Variants in DLG2 observed in about 807,000 individuals in gnomAD.
The protein encoded by DLG2 is discs large MAGUK scaffold protein 2, also known as disks large homolog 2.
A neutral mutation model predicts 132.5 loss-of-function variants in DLG2; 45 were observed. The observed-to-expected ratio is 0.34, with a 90% confidence interval of 0.27 to 0.44. DLG2 has a LOEUF of 0.44. Ranked by LOEUF, DLG2 falls within the 20% of genes least tolerant of loss-of-function variation. The pLI is 1.00. For synonymous variants in DLG2, 424 were observed against 419.6 expected (o/e 1.01, Z -0.13); for missense variants, 1,045 against 1,196.9 (o/e 0.87, Z 1.87).
At chr11:84,529,801 T>C (rs748999751) in intron 7 of DLG2, among the ~76,000 whole-genome samples, 1 of 152,102 alleles carries the variant, frequency 6.6e-6, no homozygotes, top group Non-Finnish European at 1.5e-5. Flanking sequence ...CAATTAAAAT[T>C]CACATAGAAC....
At chr11:85,560,356 T>C (rs2077168937) in intron 3 of DLG2, among the ~76,000 whole-genome samples, 2 of 151,864 alleles carry the variant, frequency 1.3e-5, no homozygotes, top group Admixed American at 1.3e-4. Context: ...GGAAAGGAAC[T>C]TTTTTAAATG....
At chr11:84,135,069 TAC>T (rs2094554309) in intron 9 of DLG2, among the ~76,000 whole-genome samples, 1 of 152,170 alleles carries the variant, frequency 6.6e-6, no homozygotes, top group Admixed American at 6.6e-5. Context: ...TAGGTTAGTT[TAC>T]TTAATGTTTA....
chr11:83,918,012 C>A (rs1490408930), intron 15 of DLG2, among the ~76,000 whole-genome samples: 1 of 152,050 alleles, frequency 6.6e-6, no homozygotes, highest in Non-Finnish European at 1.5e-5. Flanking sequence ...GATTTTGAAC[C>A]TACCAAGCAG....
At chr11:85,306,047 C>T (rs1309916854) in intron 3 of DLG2, among the ~76,000 whole-genome samples, 1 of 152,140 alleles carries the variant, frequency 6.6e-6, no homozygotes, top group Non-Finnish European at 1.5e-5. Flanking sequence ...GGACAAGTTA[C>T]TTAATTTCTA....
At chr11:83,460,810 C>CA (rs2089774650) in intron 27 of DLG2, among the ~76,000 whole-genome samples, 1 of 152,054 alleles carries the variant, frequency 6.6e-6, no homozygotes, top group Non-Finnish European at 1.5e-5. Context: ...ACTTTTGTTT[C>CA]TCCTACCTGG....
intron 6 of DLG2, among the ~76,000 whole-genome samples, chr11:85,091,465 T>C (rs932656421): frequency 2.0e-5 from 3 of 152,184 alleles, no homozygotes; most frequent in Admixed American, 2.0e-4. Context: ...ACAACAATGA[T>C]GTTTGCCACA....
chr11:84,809,452 C>CATAAG (rs142992522), intron 6 of DLG2, among the ~76,000 whole-genome samples: 64,457 of 150,106 alleles, frequency 0.43, 14,400 homozygotes, highest in African/African-American at 0.5. Flanking sequence ...AAATAAAAGT[C>CATAAG]ATAAGAAAGA....
At chr11:84,510,827 T>C (rs2099255174) in intron 7 of DLG2, among the ~76,000 whole-genome samples, 1 of 151,992 alleles carries the variant, frequency 6.6e-6, no homozygotes, top group Non-Finnish European at 1.5e-5. Context: ...TGTTTGTTTG[T>C]TTGTTTGTTT....
intron 6 of DLG2, among the ~76,000 whole-genome samples, chr11:85,037,719 T>G (rs2061534621): frequency 6.6e-6 from 1 of 152,132 alleles, no homozygotes; most frequent in Non-Finnish European, 1.5e-5. Context: ...AAAAGCAGTT[T>G]AGAAAAGTAA....
intron 18 of DLG2, among the ~76,000 whole-genome samples, chr11:83,695,118 T>A (rs2081659324): frequency 6.6e-6 from 1 of 152,228 alleles, no homozygotes. Flanking sequence ...TATCATTCCA[T>A]GTGAGGCTTA....
chr11:84,875,359 A>T (rs979992325), intron 6 of DLG2, among the ~76,000 whole-genome samples: 3 of 152,142 alleles, frequency 2.0e-5, no homozygotes, highest in Non-Finnish European at 4.4e-5. Context: ...ATGCAAAGAA[A>T]TTATCCCACC....
At chr11:84,619,276 T>C (rs1216487278) in intron 6 of DLG2, among the ~76,000 whole-genome samples, 1 of 151,802 alleles carries the variant, frequency 6.6e-6, no homozygotes, top group Non-Finnish European at 1.5e-5. Flanking sequence ...AAATAAATAT[T>C]TGTAAATAGG....
intron 8 of DLG2, among the ~76,000 whole-genome samples, chr11:84,173,570 G>A (rs948267546): frequency 2.0e-5 from 3 of 152,134 alleles, no homozygotes; most frequent in Non-Finnish European, 4.4e-5. Flanking sequence ...GAGACTTTAC[G>A]AATATGATGA....
chr11:84,861,473 G>A (rs191650569), intron 6 of DLG2, among the ~76,000 whole-genome samples: 3 of 151,954 alleles, frequency 2.0e-5, no homozygotes, highest in Admixed American at 1.3e-4. Context: ...ACCTAGAGGA[G>A]GCTTAAGGGA....
chr11:83,972,885 T>C (rs995952500), intron 12 of DLG2, among the ~76,000 whole-genome samples: 3 of 152,108 alleles, frequency 2.0e-5, no homozygotes, highest in Admixed American at 6.6e-5. Context: ...TATTAGTTTA[T>C]AAGGTACACA....
Position 85,390,684 on chromosome 11 carries a change from A to G in DLG2, c.41-105319T>C, listed in dbSNP as rs183667252. 2.6e-3 allele frequency among the ~76,000 whole-genome samples: 389 copies of G among 152,304 alleles called. 5 individuals carry two copies. Among genetic ancestry groups the G allele is most frequent in the African/African-American group, 9.0e-3 (373 of 41,594 alleles). Reference sequence around the variant, plus strand: ...TAAAAATTAAATAATATGCTCCTGAACAATCATTGGGTCAAAAATGAAATC... The same window carrying G: ...TAAAAATTAAATAATATGCTCCTGAGCAATCATTGGGTCAAAAATGAAATC... On this transcript the variant is annotated intron_variant, in intron 3 of 27. Transcript: ENST00000376104.
chr11:84,263,035 A>C (rs2097567870), intron 7 of DLG2, among the ~76,000 whole-genome samples: 1 of 152,178 alleles, frequency 6.6e-6, no homozygotes, highest in African/African-American at 2.4e-5. Context: ...TCCTAATATA[A>C]AGATGGCAGA....
intron 4 of DLG2, among the ~76,000 whole-genome samples, chr11:85,163,293 C>G (rs1488899313): frequency 6.6e-6 from 1 of 151,972 alleles, no homozygotes; most frequent in Non-Finnish European, 1.5e-5. Flanking sequence ...CTGATTTAAT[C>G]TTTTATTTTT....
intron 19 of DLG2, among the ~76,000 whole-genome samples, chr11:83,543,593 G>A (rs1306378759): frequency 6.6e-6 from 1 of 152,096 alleles, no homozygotes; most frequent in Non-Finnish European, 1.5e-5. Context: ...ATACAACATA[G>A]TGATAATGAT....
Sources: gnomAD v4.1 joint callset for allele counts (sites outside exome capture counted in the v4.1 genomes callset) on GRCh38, gnomAD v4.1.1 for gene constraint, MANE v1.5 for transcripts, NCBI Gene and HGNC (gene_info 2026-07-23, HGNC 2026-07-21) for gene names.